GRXCR2: variants seen among roughly 807,000 people sequenced by gnomAD.
GRXCR2 encodes glutaredoxin domain-containing cysteine-rich protein 2.
GRXCR2 carries 23 observed loss-of-function variants against 24.8 expected under a neutral mutation model. The ratio of observed to expected loss-of-function variants is 0.93; its 90% CI spans 0.67 to 1.32. The LOEUF is 1.32. GRXCR2 is among the 40% of genes most tolerant of loss of function. The pLI is 0.00. For missense variants in GRXCR2, 315 were observed against 303.4 expected, an observed-to-expected ratio of 1.04 and a Z score of -0.28; for synonymous variants, 130 against 116.1, an observed-to-expected ratio of 1.12 and a Z score of -0.77.
At chr5:145,914,560 C>A (rs949044693) in intron 2 of GRXCR2, among the ~76,000 whole-genome samples, 2 of 151,100 alleles carry the variant, frequency 1.3e-5, no homozygotes, top group Non-Finnish European at 1.5e-5. Flanking sequence ...CTTATAATCT[C>A]AGCTACTCAG....
chr5:145,930,431 G>A (rs984369846), intron 2 of GRXCR2, among the ~76,000 whole-genome samples: 2 of 152,148 alleles, frequency 1.3e-5, no homozygotes, highest in Non-Finnish European at 2.9e-5. Context: ...GCAGGCAATA[G>A]CATTTAACTG....
At chr5:145,914,994 T>C (rs545509927) in intron 2 of GRXCR2, among the ~76,000 whole-genome samples, 1 of 152,220 alleles carries the variant, frequency 6.6e-6, no homozygotes, top group Non-Finnish European at 1.5e-5. Flanking sequence ...TTGGTAAGAA[T>C]GAAAAATCCT....
rs1756822513 is a variant in GRXCR2 at position 145,889,177 on chromosome 5, AAAGAAAGAAAGAAAG to A, written c.-69-22464_-69-22450del. On this transcript the variant is annotated intron_variant, in intron 2 of 3. Coordinates refer to the GRXCR2 transcript ENST00000639411. ...GACCGAGACTCTGTCTCAAAAAAAG[AAAGAAAGAAAGAAAG>A]AAAGAAAGAAAGAAAGAAAGAAAGA... 1.2e-3 allele frequency among the ~76,000 whole-genome samples: 103 copies of A among 86,364 alleles called. 4 individuals are homozygous for A. The highest frequency in any genetic ancestry group is 3.9e-3 in the African/African-American group (90 of 23,076). The allele number at this position is 86,364 out of a possible 152,430, so 56.7% of individuals were successfully genotyped here.
chr5:145,897,489 C>T (rs1357049179), intron 2 of GRXCR2, among the ~76,000 whole-genome samples: 1 of 152,034 alleles, frequency 6.6e-6, no homozygotes, highest in African/African-American at 2.4e-5. Context: ...CTGCAGAATA[C>T]TTCACCCATT....
chr5:145,869,068 T>G (rs945814473), intron 1 of GRXCR2, among the ~76,000 whole-genome samples: 1 of 152,242 alleles, frequency 6.6e-6, no homozygotes. Context: ...TAACTAGAGA[T>G]TATTGATCAG....
intron 2 of GRXCR2, among the ~76,000 whole-genome samples, chr5:145,879,353 A>G (rs1388860670): frequency 1.4e-5 from 2 of 146,796 alleles, no homozygotes; most frequent in African/African-American, 2.5e-5. Context: ...AGGAAGATCT[A>G]CCAAGCAAAT....
chr5:145,929,772 TC>T (rs1392799834), intron 2 of GRXCR2, among the ~76,000 whole-genome samples: 4 of 152,214 alleles, frequency 2.6e-5, no homozygotes, highest in African/African-American at 9.6e-5. Context: ...GGTAGACTAT[TC>T]TTTTTTATTG....
At chr5:145,875,700 AG>A (rs1002597198), upstream of GRXCR2, among the ~76,000 whole-genome samples, 6 of 152,176 alleles carry the variant, frequency 3.9e-5, no homozygotes, top group African/African-American at 1.4e-4. Flanking sequence ...CAATGTTTAA[AG>A]AAAAAGAAAG....
intron 2 of GRXCR2, among the ~76,000 whole-genome samples, chr5:145,916,124 G>C (rs1043320193): frequency 3.3e-5 from 5 of 152,022 alleles, no homozygotes; most frequent in Non-Finnish European, 5.9e-5. Flanking sequence ...GAAGCGGGGG[G>C]CGCTGCTCAG....
At chr5:145,919,772 AT>A (rs1312267631) in intron 2 of GRXCR2, among the ~76,000 whole-genome samples, 1 of 152,094 alleles carries the variant, frequency 6.6e-6, no homozygotes, top group East Asian at 1.9e-4. Context: ...CATCCTTTGC[AT>A]GCTTAAAACC....
At chr5:145,879,962 G>A (rs1042493633) in intron 2 of GRXCR2, among the ~76,000 whole-genome samples, 14 of 152,170 alleles carry the variant, frequency 9.2e-5, no homozygotes, top group Non-Finnish European at 2.1e-4. Context: ...ATAACGAAAT[G>A]AAGGCAGAAA....
At chr5:145,886,119 T>C (rs895814604) in intron 2 of GRXCR2, among the ~76,000 whole-genome samples, 2 of 152,216 alleles carry the variant, frequency 1.3e-5, no homozygotes, top group Non-Finnish European at 2.9e-5. Flanking sequence ...CATCATATTC[T>C]AGAATCCATA....
chr5:145,930,530 G>C (rs937205494), intron 2 of GRXCR2, among the ~76,000 whole-genome samples: 4 of 152,098 alleles, frequency 2.6e-5, no homozygotes, highest in South Asian at 2.1e-4. Context: ...CCCATTTATA[G>C]TAGTATTTTT....
chr5:145,925,956 C>A (rs1757388297), intron 2 of GRXCR2, among the ~76,000 whole-genome samples: 2 of 151,888 alleles, frequency 1.3e-5, no homozygotes. Flanking sequence ...AACTTTCTCA[C>A]TTGTGTGACA....
intron 2 of GRXCR2, among the ~76,000 whole-genome samples, chr5:145,891,340 C>T (rs549815613): frequency 2.0e-5 from 3 of 152,258 alleles, no homozygotes; most frequent in South Asian, 4.1e-4. Context: ...TGAGGCATCA[C>T]CTCACCCAGG....
intron 2 of GRXCR2, among the ~76,000 whole-genome samples, chr5:145,897,429 G>T (rs999872652): frequency 6.6e-6 from 1 of 151,678 alleles, no homozygotes; most frequent in Non-Finnish European, 1.5e-5. Flanking sequence ...AACTAACAAA[G>T]AAATTCTGGA....
intron 2 of GRXCR2, among the ~76,000 whole-genome samples, chr5:145,918,781 T>C (rs1400939672): frequency 6.6e-6 from 1 of 152,178 alleles, no homozygotes; most frequent in East Asian, 1.9e-4. Flanking sequence ...CATTAATATT[T>C]ACTGCCCATT....
At chr5:145,878,334 G>C (rs1235553029) in intron 2 of GRXCR2, among the ~76,000 whole-genome samples, 3 of 152,196 alleles carry the variant, frequency 2.0e-5, no homozygotes, top group South Asian at 4.1e-4. Context: ...AGAATAAACA[G>C]TGTAGAGAAG....
chr5:145,871,540 T>C (rs779290750), intron 1 of GRXCR2, among the ~76,000 whole-genome samples: 8 of 152,300 alleles, frequency 5.3e-5, no homozygotes, highest in Middle Eastern at 3.4e-3. Flanking sequence ...TAGACAGAGA[T>C]AGTACATGAT....
Sources: gnomAD v4.1 joint callset for allele counts (sites outside exome capture counted in the v4.1 genomes callset) on GRCh38, gnomAD v4.1.1 for gene constraint, MANE v1.5 for transcripts, NCBI Gene and HGNC (gene_info 2026-07-23, HGNC 2026-07-21) for gene names.